CREB5: variants seen among roughly 807,000 people sequenced by gnomAD.
The protein encoded by CREB5 is cAMP responsive element binding protein 5, also known as cyclic AMP-responsive element-binding protein 5.
In CREB5, 19 loss-of-function variants were observed where a neutral mutation model predicts 57.1. The observed-to-expected ratio is 0.33, with a 90% CI of 0.23 to 0.49. The LOEUF (loss-of-function observed/expected upper bound fraction) is 0.49, where lower values mean the gene tolerates loss of function less well. Ranked by LOEUF, CREB5 falls within the 20% of genes least tolerant of loss-of-function variation. The pLI, the probability that CREB5 is intolerant of heterozygous loss-of-function variation, is 0.99. For synonymous variants in CREB5, 238 were observed against 238.3 expected (o/e 1.00, Z 0.01); for missense variants, 579 against 671.6 (o/e 0.86, Z 1.52).
At chr7:28,670,255 A>G (rs1799980228) in intron 5 of CREB5, among the ~76,000 whole-genome samples, 1 of 152,240 alleles carries the variant, frequency 6.6e-6, no homozygotes, top group Non-Finnish European at 1.5e-5. Flanking sequence ...TAGAACCATT[A>G]TAGCAATATA....
chr7:28,438,776 G>A (rs191124681), intron 1 of CREB5, among the ~76,000 whole-genome samples: 326 of 152,300 alleles, frequency 2.1e-3, no homozygotes, highest in African/African-American at 7.5e-3. Context: ...ACTGGATTTA[G>A]CAATTGCCGT....
At chr7:28,541,289 A>G (rs190089347) in intron 4 of CREB5, among the ~76,000 whole-genome samples, 1 of 152,310 alleles carries the variant, frequency 6.6e-6, no homozygotes, top group East Asian at 1.9e-4. Flanking sequence ...ATCTAAAACT[A>G]GAAGTCATCG....
chr7:28,784,861 G>A (rs938139113), intron 7 of CREB5, among the ~76,000 whole-genome samples: 2 of 152,122 alleles, frequency 1.3e-5, no homozygotes, highest in Non-Finnish European at 2.9e-5. Flanking sequence ...GTGGGGAATC[G>A]AAGCGGCTGC....
intron 5 of CREB5, among the ~76,000 whole-genome samples, chr7:28,598,375 A>G (rs1796771224): frequency 6.6e-6 from 1 of 152,176 alleles, no homozygotes; most frequent in African/African-American, 2.4e-5. Context: ...TATCAGCAGC[A>G]TGAAAATGGA....
At chr7:28,505,649 G>A (rs569783314) in intron 3 of CREB5, among the ~76,000 whole-genome samples, 19 of 152,284 alleles carry the variant, frequency 1.2e-4, no homozygotes, top group African/African-American at 4.3e-4. Flanking sequence ...ATCAAAAAGG[G>A]ATAGTGTCTG....
At chr7:28,703,868 C>G (rs1323116056) in intron 5 of CREB5, among the ~76,000 whole-genome samples, 1 of 152,214 alleles carries the variant, frequency 6.6e-6, no homozygotes, top group Non-Finnish European at 1.5e-5. Context: ...ATCTGGGCAA[C>G]CCATGGCCCA....
At chr7:28,304,777 A>G (rs1296682483) in intron 1 of CREB5, among the ~76,000 whole-genome samples, 1 of 152,226 alleles carries the variant, frequency 6.6e-6, no homozygotes, top group African/African-American at 2.4e-5. Context: ...TAGAATGGAA[A>G]CATTTCCATG....
At chr7:28,735,450 A>T (rs867317558) in intron 7 of CREB5, among the ~76,000 whole-genome samples, 11 of 152,288 alleles carry the variant, frequency 7.2e-5, no homozygotes, top group Middle Eastern at 6.8e-3. Flanking sequence ...GGCCATTTTT[A>T]TTTCCTCAGT....
At chr7:28,350,180 T>G (rs1418153046) in intron 1 of CREB5, among the ~76,000 whole-genome samples, 1 of 152,188 alleles carries the variant, frequency 6.6e-6, no homozygotes. Context: ...AATATATCCA[T>G]ATCCATATTC....
intron 1 of CREB5, among the ~76,000 whole-genome samples, chr7:28,327,367 C>A (rs148151086): frequency 7.7e-4 from 117 of 152,134 alleles, no homozygotes; most frequent in African/African-American, 2.7e-3. Flanking sequence ...GATGACCTGC[C>A]TCATACATTG....
At chr7:28,355,282 A>G (rs1257976745) in intron 1 of CREB5, among the ~76,000 whole-genome samples, 1 of 152,168 alleles carries the variant, frequency 6.6e-6, no homozygotes, top group East Asian at 1.9e-4. Flanking sequence ...GACAGGACAG[A>G]GGAGGTCTGG....
At chr7:28,514,618 A>G (rs992877208) in intron 4 of CREB5, among the ~76,000 whole-genome samples, 9 of 152,052 alleles carry the variant, frequency 5.9e-5, no homozygotes, top group Admixed American at 5.9e-4. Flanking sequence ...GATGGTCTCA[A>G]TCTCGGACCT....
chr7:28,301,188 G>A (rs147559632), intron 1 of CREB5, among the ~76,000 whole-genome samples: 35 of 152,314 alleles, frequency 2.3e-4, no homozygotes, highest in African/African-American at 6.0e-4. Flanking sequence ...TTGGTGTGAC[G>A]TCAGAGAACC....
At chr7:28,475,230 C>G (rs1191732344) in intron 1 of CREB5, among the ~76,000 whole-genome samples, 1 of 141,410 alleles carries the variant, frequency 7.1e-6, no homozygotes, top group Non-Finnish European at 1.5e-5. Context: ...ACTAACACTT[C>G]ATGCGTTATT....
chr7:28,716,937 C>T (rs1051255136), intron 5 of CREB5, among the ~76,000 whole-genome samples: 10 of 152,190 alleles, frequency 6.6e-5, no homozygotes, highest in African/African-American at 2.4e-4. Context: ...ATACCCATAG[C>T]ACTTCATCTG....
At chr7:28,548,303 T>C (rs1313503962) in intron 4 of CREB5, among the ~76,000 whole-genome samples, 4 of 152,306 alleles carry the variant, frequency 2.6e-5, no homozygotes, top group Non-Finnish European at 5.9e-5. Context: ...AAATGCATGA[T>C]GTCCCAGTAG....
intron 4 of CREB5, among the ~76,000 whole-genome samples, chr7:28,514,746 T>C (rs867963945): frequency 2.0e-5 from 3 of 152,228 alleles, no homozygotes; most frequent in Admixed American, 2.0e-4. Flanking sequence ...TCTGGCAAGA[T>C]AGAAGTCTCT....
rs143419740 is a variant in CREB5 at position 28,515,122 on chromosome 7, T to A, written c.291+7385T>A. Among the ~76,000 whole-genome samples, 4 of 152,326 alleles carry A rather than the reference T, an allele frequency of 2.6e-5. No homozygotes were observed. In the East Asian group the frequency reaches 7.7e-4, roughly 29 times the overall value. ...CATATGGACATGAATTAATGTCCATTAAATATACTATTAATGATAATTTGA... is the reference window on the plus strand; with the variant it reads ...CATATGGACATGAATTAATGTCCATAAAATATACTATTAATGATAATTTGA... On this transcript the variant is annotated intron_variant, in intron 4 of 10. Coordinates refer to ENST00000357727, the MANE Select transcript of CREB5 (RefSeq NM_182898.4).
At chr7:28,489,452 A>G (rs1243765392) in intron 2 of CREB5, among the ~76,000 whole-genome samples, 1 of 151,808 alleles carries the variant, frequency 6.6e-6, no homozygotes, top group East Asian at 1.9e-4. Context: ...GGTGCCCGCC[A>G]CCACGCCCGG....
Sources: gnomAD v4.1 joint callset for allele counts (sites outside exome capture counted in the v4.1 genomes callset) on GRCh38, gnomAD v4.1.1 for gene constraint, MANE v1.5 for transcripts, NCBI Gene and HGNC (gene_info 2026-07-23, HGNC 2026-07-21) for gene names.